MFSD2B: variants seen among roughly 807,000 people sequenced by gnomAD.
MFSD2B encodes sphingosine-1-phosphate transporter MFSD2B.
MFSD2B carries 56 observed loss-of-function variants against 58.4 expected under a neutral mutation model. The ratio of observed to expected loss-of-function variants is 0.96; its 90% CI spans 0.77 to 1.20. MFSD2B has a LOEUF of 1.20. Ranked by LOEUF, MFSD2B falls within the 50% of genes most tolerant of loss-of-function variation. The pLI is 0.00. For synonymous variants in MFSD2B, 287 were observed against 294.4 expected (o/e 0.97, Z 0.26); for missense variants, 645 against 667.6 (o/e 0.97, Z 0.37).
rs1374253783 is a variant in MFSD2B, at chr2:24,025,465, A to C, written c.*9A>C. 35 of 1,535,856 alleles carry C rather than the reference A, an allele frequency of 2.3e-5. No individual in the cohort carries two copies. Among genetic ancestry groups the C allele is most frequent in the Non-Finnish European group, 2.6e-5 (30 of 1,146,826 alleles). On this transcript the variant is annotated 3_prime_UTR_variant, in exon 14 of 14. Transcript: ENST00000338315. Reference sequence around the variant, plus strand: ...GCTACAGCCTGGCCTAAAGCTTAGGAGGGCGACTGTGAATGGACACAGGAG... The same window carrying C: ...GCTACAGCCTGGCCTAAAGCTTAGGCGGGCGACTGTGAATGGACACAGGAG...
At position 24,024,782 on chromosome 2, in the gene MFSD2B, T is replaced by C. The variant is rs967324719; in HGVS notation, c.1490+511T>C. On this transcript the variant is annotated intron_variant, in intron 13 of 13. Transcript: ENST00000338315. The surrounding 1 kb of genome is among the most constrained non-coding windows in gnomAD (Gnocchi z 4.3). ...CCTGTCTTGGTGAATGACACCATCG[T>C]TCCCTCTGGGTGGAAGCCTAGGAGT... 2.0e-5 allele frequency among the ~76,000 whole-genome samples: 3 copies of C among 152,118 alleles called. No individual in the cohort carries two copies. The highest frequency in any genetic ancestry group is 1.9e-4 in the East Asian group (1 of 5,184).
In MFSD2B at chr2:24,013,287, C is replaced by T. The variant is rs762571389; in HGVS notation, c.99C>T (p.Asp33=). The change falls in exon 2 of 14, where the codon GAC becomes GAT. Residue 33 remains aspartate, a splice_region_variant and synonymous_variant. Coordinates refer to ENST00000338315, the MANE Select transcript of MFSD2B (RefSeq NM_001346880.2). ...CTTAGTTCCTGTGTCTCCTCCAGGA[C>T]AGCAGAGCCGGTCGCCTCTCATTCT... is the stretch of plus-strand genomic sequence containing the variant. ...GPGSAKRGRE[D]SRAGRLSFCT... The T allele has an allele frequency of 6.2e-7, 1 of 1,601,724 alleles. No individual in the cohort carries two copies. Among genetic ancestry groups the T allele is most frequent in the Non-Finnish European group, 8.5e-7 (1 of 1,171,332 alleles).
intron 3 of MFSD2B, 29 bp from the exon 4 acceptor site, chr2:24,016,816 G>C: frequency 1.2e-6 from 2 of 1,609,988 alleles, no homozygotes; most frequent in Non-Finnish European, 1.7e-6. Flanking sequence ...GGGTCGGGGG[G>C]CCGCTCCACC....
rs1662878073 is a variant in MFSD2B, at chr2:24,023,590, C to T, written c.1177C>T (p.Leu393=). The change falls in exon 12 of 14, where the codon CTG becomes TTG. Residue 393 remains leucine, a synonymous_variant. Transcript: ENST00000338315. The surrounding 1 kb of genome is among the most constrained non-coding windows in gnomAD (Gnocchi z 5.0). ...TCCACACCCCCGCCGCAGGTCCATG[C>T]TGCCAGACGTGGTGGATGACTTTCA... ...AVSLLLPWSM[L]PDVVDDFQLQ... is the part of the protein sequence containing the mutation. 5.6e-6 allele frequency: 9 copies of T among 1,613,636 alleles called. No individual in the cohort carries two copies. In the East Asian group the frequency reaches 1.8e-4, roughly 32 times the overall value.
At chr2:24,018,212 A>G (rs902394745) in intron 6 of MFSD2B, 2 of 162,002 alleles carry the variant, frequency 1.2e-5, no homozygotes, top group Admixed American at 6.5e-5. Context: ...CCAACCTATG[A>G]CCGAATCCTG....
intron 1 of MFSD2B, chr2:24,013,047 A>G: frequency 2.7e-6 from 1 of 373,798 alleles, no homozygotes; most frequent in Non-Finnish European, 4.8e-6. Context: ...CAGGAAGCCC[A>G]GGGTAAGATG....
rs1195508965 is a variant in MFSD2B at position 24,013,321 on chromosome 2, G to C, written c.133G>C (p.Val45Leu). 6.2e-7 allele frequency: 1 copy of C among 1,612,422 alleles called. No homozygotes were observed. The highest frequency in any genetic ancestry group is 8.5e-7 in the Non-Finnish European group (1 of 1,179,432). Residue 45 changes from valine (V) to leucine (L), a missense_variant, in exon 2 of 14, where the codon GTG becomes CTG. By Grantham distance (32) the Val-to-Leu change is conservative. Transcript: ENST00000338315. ...RAGRLSFCTK[V>L]CYGIGGVPNQ... Reference sequence around the variant, plus strand: ...CGGTCGCCTCTCATTCTGTACAAAGGTGTGCTATGGCATTGGTGGGGTCCC... The same window carrying C: ...CGGTCGCCTCTCATTCTGTACAAAGCTGTGCTATGGCATTGGTGGGGTCCC...
chr2:24,021,698 G>A lies in MFSD2B; in HGVS notation c.732G>A (p.Val244=). ...AAAVVVVTYP[V]CISLLCLGVK... ...CCGTGGTTGTAGTGACTTACCCCGT[G>A]TGCATCAGTTTACTGTGCCTAGGGG... Residue 244 remains valine, a synonymous_variant, in exon 7 of 14, where the codon GTG becomes GTA. Coordinates refer to ENST00000338315, the MANE Select transcript of MFSD2B (RefSeq NM_001346880.2). This position sits in a 1 kb window ranked among gnomAD's most constrained non-coding sequence, Gnocchi z 5.7. 1 of 1,613,676 alleles carries A rather than the reference G, an allele frequency of 6.2e-7. No homozygotes were observed. Among genetic ancestry groups the A allele is most frequent in the South Asian group, 1.1e-5 (1 of 90,964 alleles).
At position 24,023,030 on chromosome 2, in the gene MFSD2B, C is replaced by T; in HGVS notation, c.1060-100C>T. On this transcript the variant is annotated intron_variant, in intron 10 of 13. Coordinates refer to ENST00000338315, the MANE Select transcript of MFSD2B (RefSeq NM_001346880.2). The surrounding 1 kb of genome is among the most constrained non-coding windows in gnomAD (Gnocchi z 5.0). ...GTTCCCTTGAGTCTTTAGGGCCTAG[C>T]ACAGGGCAAGGCATGGGGGTCGTCA... is the stretch of plus-strand genomic sequence containing the variant. The T allele has an allele frequency of 7.4e-7, 1 of 1,349,500 alleles. No individual in the cohort carries two copies. The highest frequency in any genetic ancestry group is 2.3e-5 in the East Asian group (1 of 43,714). The allele number at this position is 1,349,500 out of a possible 1,614,324, so 83.6% of individuals were successfully genotyped here.
chr2:24,011,606 T>C (rs541196526), intron 1 of MFSD2B, among the ~76,000 whole-genome samples: 2 of 152,314 alleles, frequency 1.3e-5, no homozygotes, highest in African/African-American at 4.8e-5. Context: ...CAGCAAACGA[T>C]GAGAAAAGAG....
rs1183608899 is a variant in MFSD2B, at chr2:24,021,774, G to A, written c.772+36G>A. ...TGGTGAGGAGGGAAGCAGAAGCTGG[G>A]GGCAGGGCTCTGCTTGGGGGCAGGT... On this transcript the variant is annotated intron_variant, in intron 7 of 13. Transcript: ENST00000338315. The surrounding 1 kb of genome is among the most constrained non-coding windows in gnomAD (Gnocchi z 5.7). The A allele has an allele frequency of 1.2e-6, 2 of 1,612,764 alleles. No homozygotes were observed.
At chr2:24,016,386 G>A in intron 3 of MFSD2B, 106 bp downstream of exon 3, 2 of 1,244,530 alleles carry the variant, frequency 1.6e-6, no homozygotes, top group Non-Finnish European at 2.2e-6. Flanking sequence ...GTGGTTAGGA[G>A]ACAAGACTGG....
At position 24,022,779 on chromosome 2, in the gene MFSD2B, G is replaced by A. The variant is rs775281269; in HGVS notation, c.979-43G>A. 1.3e-5 allele frequency: 18 copies of A among 1,432,106 alleles called. No homozygotes were observed. The highest frequency in any genetic ancestry group is 7.8e-5 in the Admixed American group (3 of 38,260). 88.7% of individuals were successfully genotyped at this position (1,432,106 alleles called of 1,614,324 possible). A position where few individuals can be genotyped will look rare whatever the true frequency, so the allele number is the denominator to read the frequency against. On this transcript the variant is annotated intron_variant, in intron 9 of 13. Transcript: ENST00000338315. The surrounding 1 kb of genome is among the most constrained non-coding windows in gnomAD (Gnocchi z 4.5). Reference sequence around the variant, plus strand: ...AGGCCTTGGGGTCCCAGGCAAAGGCGCTGGCAGCACGGCCCTGGCGTGACG... The same window carrying A: ...AGGCCTTGGGGTCCCAGGCAAAGGCACTGGCAGCACGGCCCTGGCGTGACG...
In MFSD2B at chr2:24,017,380, G is replaced by C; in HGVS notation, c.550+16G>C. Reference sequence around the variant, plus strand: ...ACCGCCTACCGTGAGTGCAGCCGTGGGTTTCGGGTTCCAGGGAGGCAACTG... The same window carrying C: ...ACCGCCTACCGTGAGTGCAGCCGTGCGTTTCGGGTTCCAGGGAGGCAACTG... On this transcript the variant is annotated intron_variant, in intron 5 of 13. Transcript: ENST00000338315. The surrounding 1 kb of genome is among the most constrained non-coding windows in gnomAD (Gnocchi z 4.8). 6.2e-7 allele frequency: 1 copy of C among 1,601,028 alleles called. No homozygotes were observed. The highest frequency in any genetic ancestry group is 8.5e-7 in the Non-Finnish European group (1 of 1,174,486).
At chr2:24,019,701 C>T (rs1433220974) in intron 6 of MFSD2B, among the ~76,000 whole-genome samples, 1 of 152,112 alleles carries the variant, frequency 6.6e-6, no homozygotes, top group African/African-American at 2.4e-5. Flanking sequence ...CCAGCCTGGG[C>T]AATCACCTTG....
At position 24,023,581 on chromosome 2, in the gene MFSD2B, A is replaced by G. The variant is rs1384919323; in HGVS notation, c.1170-2A>G. ...AGGGCTAACTCCACACCCCCGCCGC[A>G]GGTCCATGCTGCCAGACGTGGTGGA... is the stretch of plus-strand genomic sequence containing the variant. On this transcript the variant is annotated splice_acceptor_variant, in intron 11 of 13. Transcript: ENST00000338315. LOFTEE classifies it high-confidence loss of function. This position sits in a 1 kb window ranked among gnomAD's most constrained non-coding sequence, Gnocchi z 5.0. 1 of 1,613,546 alleles carries G rather than the reference A, an allele frequency of 6.2e-7. No homozygotes were observed. Among genetic ancestry groups the G allele is most frequent in the Non-Finnish European group, 8.5e-7 (1 of 1,179,654 alleles).
At chr2:24,019,923 C>A (rs1662702284) in intron 6 of MFSD2B, among the ~76,000 whole-genome samples, 2 of 152,250 alleles carry the variant, frequency 1.3e-5, no homozygotes, top group Middle Eastern at 3.2e-3. Flanking sequence ...GTATCCTAGA[C>A]TGACTCTCCC....
chr2:24,011,999 C>T (rs1027449340), intron 1 of MFSD2B, among the ~76,000 whole-genome samples: 14 of 152,048 alleles, frequency 9.2e-5, no homozygotes, highest in African/African-American at 3.4e-4. Context: ...GGAAGGAGCC[C>T]GGCGTGGCTG....
At position 24,022,581 on chromosome 2, in the gene MFSD2B, C is replaced by G. The variant is rs1662831952; in HGVS notation, c.978+65C>G. 7.5e-7 allele frequency: 1 copy of G among 1,327,428 alleles called. No homozygotes were observed. Among genetic ancestry groups the G allele is most frequent in the African/African-American group, 1.5e-5 (1 of 68,248 alleles). The allele number at this position is 1,327,428 out of a possible 1,614,324, so 82.2% of individuals were successfully genotyped here. A position where few individuals can be genotyped will look rare whatever the true frequency, so the allele number is the denominator to read the frequency against. On this transcript the variant is annotated intron_variant, in intron 9 of 13. Coordinates refer to ENST00000338315, the MANE Select transcript of MFSD2B (RefSeq NM_001346880.2). This position sits in a 1 kb window ranked among gnomAD's most constrained non-coding sequence, Gnocchi z 4.5. ...GCCCTGAGCTGGGGACATGTGTGGT[C>G]CTTGATGTGACACATATGGCCAGAG...
Sources: allele counts gnomAD v4.1 joint callset (sites outside exome capture counted in the v4.1 genomes callset), GRCh38; gene constraint gnomAD v4.1.1; non-coding constraint Gnocchi (gnomAD v3.1); transcripts MANE v1.5; gene names NCBI Gene and HGNC (gene_info 2026-07-23, HGNC 2026-07-21).